The following ZNF787 variants were observed in gnomAD, a reference collection of about 807,000 sequenced individuals.
The protein encoded by ZNF787 is TTF-I-interacting peptide 20.
A neutral mutation model predicts 16.9 loss-of-function variants in ZNF787; 7 were observed. That is an observed-to-expected ratio of 0.42 (90% CI 0.24 to 0.78). ZNF787 has a LOEUF of 0.78. Ranked by LOEUF, ZNF787 falls within the 30% of genes least tolerant of loss-of-function variation. ZNF787 has a pLI of 0.30. For synonymous variants in ZNF787, 345 were observed against 270.9 expected (o/e 1.27, Z -2.69); for missense variants, 551 against 589.3 (o/e 0.94, Z 0.67).
chr19:56,093,727 T>G (rs1985752672), intron 2 of ZNF787, among the ~76,000 whole-genome samples: 1 of 152,220 alleles, frequency 6.6e-6, no homozygotes, highest in African/African-American at 2.4e-5. Flanking sequence ...TAATGCCATT[T>G]TCTCCTGGCA....
At chr19:56,111,996 C>G (rs753983394) in intron 1 of ZNF787, among the ~76,000 whole-genome samples, 2 of 152,202 alleles carry the variant, frequency 1.3e-5, no homozygotes, top group Non-Finnish European at 1.5e-5. Context: ...CAGTTCTCTT[C>G]TTCTCCCGTC....
chr19:56,111,066 T>G (rs1392092598), intron 1 of ZNF787, among the ~76,000 whole-genome samples: 1 of 152,244 alleles, frequency 6.6e-6, no homozygotes, highest in Non-Finnish European at 1.5e-5. Flanking sequence ...TATACCTACA[T>G]GAAAAGTAGC....
intron 1 of ZNF787, among the ~76,000 whole-genome samples, chr19:56,117,930 G>T (rs2030185247): frequency 6.6e-6 from 1 of 152,236 alleles, no homozygotes; most frequent in South Asian, 2.1e-4. Context: ...GGGCCAGATG[G>T]GACCCCCATT....
intron 1 of ZNF787, among the ~76,000 whole-genome samples, chr19:56,120,646 G>A (rs1023809339): frequency 2.0e-5 from 3 of 151,720 alleles, no homozygotes; most frequent in Admixed American, 6.5e-5. Context: ...GGGCTGGGGG[G>A]GCCGAGGGCT....
chr19:56,107,875 G>C (rs564191390), intron 1 of ZNF787, among the ~76,000 whole-genome samples: 1 of 149,250 alleles, frequency 6.7e-6, no homozygotes, highest in African/African-American at 2.6e-5. Flanking sequence ...GGGGGCTGCG[G>C]AAGAGAGAGC....
intron 2 of ZNF787, among the ~76,000 whole-genome samples, chr19:56,094,382 C>T (rs1216604135): frequency 2.0e-5 from 3 of 151,422 alleles, no homozygotes; most frequent in Non-Finnish European, 2.9e-5. Flanking sequence ...CCATGTTGGC[C>T]AGGCTGGTCT....
chr19:56,096,364 A>T (rs1454457803), intron 2 of ZNF787, among the ~76,000 whole-genome samples: 1 of 152,002 alleles, frequency 6.6e-6, no homozygotes, highest in Non-Finnish European at 1.5e-5. Flanking sequence ...GGCTGCAGTG[A>T]GCAGAGATGG....
At chr19:56,097,937 G>A (rs541105668) in intron 2 of ZNF787, among the ~76,000 whole-genome samples, 1 of 152,138 alleles carries the variant, frequency 6.6e-6, no homozygotes, top group South Asian at 2.1e-4. Flanking sequence ...GCTTGGGGGA[G>A]AAGAGGCATG....
At chr19:56,091,648 G>T (rs1362215481) in intron 2 of ZNF787, among the ~76,000 whole-genome samples, 1 of 152,224 alleles carries the variant, frequency 6.6e-6, no homozygotes, top group Non-Finnish European at 1.5e-5. Context: ...GGCCGTAGGC[G>T]ATCTGGCTTC....
Position 56,101,439 on chromosome 19 carries a change from G to A in ZNF787, c.79+1700C>T, listed in dbSNP as rs570717373. Reference sequence around the variant, plus strand: ...CAGGGCCAGGGCTGGGCAGGGCAGCGGGCTGGACAAGGGGACCTGACACCT... The same window carrying A: ...CAGGGCCAGGGCTGGGCAGGGCAGCAGGCTGGACAAGGGGACCTGACACCT... On this transcript the variant is annotated intron_variant, in intron 2 of 2. Coordinates refer to ENST00000610935, the MANE Select transcript of ZNF787 (RefSeq NM_001002836.4). 2.2e-4 allele frequency among the ~76,000 whole-genome samples: 33 copies of A among 152,362 alleles called. No homozygotes were observed. In the East Asian group the frequency reaches 6.2e-3, roughly 29 times the overall value.
chr19:56,091,923 CGAA>C (rs1414974314), intron 2 of ZNF787, among the ~76,000 whole-genome samples: 28 of 99,888 alleles, frequency 2.8e-4, no homozygotes, highest in African/African-American at 1.8e-3. Context: ...CAGCCGCAGC[CGAA>C]GCCGAAGCCG....
At chr19:56,116,137 C>T (rs370675057) in intron 1 of ZNF787, among the ~76,000 whole-genome samples, 2 of 151,896 alleles carry the variant, frequency 1.3e-5, no homozygotes, top group Non-Finnish European at 2.9e-5. Flanking sequence ...CCTAAAACTG[C>T]TCTAAAAAAA....
Position 56,087,926 on chromosome 19 carries a change from C to A in ZNF787, c.*97G>T. ...GCCGGGGATGCCGCGGGGTCCATCG[C>A]ACCCCGTCCGCTTCTCCCTGGGTCT... is the stretch of plus-strand genomic sequence containing the variant. On this transcript the variant is annotated 3_prime_UTR_variant, in exon 3 of 3. Transcript: ENST00000610935. 1 of 1,286,600 alleles carries A rather than the reference C, an allele frequency of 7.8e-7. No individual in the cohort carries two copies. The highest frequency in any genetic ancestry group is 2.1e-5 in the South Asian group (1 of 47,380). The allele number at this position is 1,286,600 out of a possible 1,614,324, so 79.7% of individuals were successfully genotyped here.
At chr19:56,115,354 CT>C (rs543989293) in intron 1 of ZNF787, among the ~76,000 whole-genome samples, 3,008 of 113,150 alleles carry the variant, frequency 0.027, 50 homozygotes, top group African/African-American at 0.085. Context: ...GATTTCGCTG[CT>C]TTTTTTTTTT....
In ZNF787 at chr19:56,114,014, G is replaced by A. The variant is rs994648258; in HGVS notation, c.-11+7158C>T. Among the ~76,000 whole-genome samples the A allele has an allele frequency of 3.9e-5, 6 of 152,080 alleles. No homozygotes were observed. In the South Asian group the frequency reaches 6.2e-4, roughly 16 times the overall value. On this transcript the variant is annotated intron_variant, in intron 1 of 2. Transcript: ENST00000610935. ...TTTAAAAGGGCAAATTGTACACTAT[G>A]GGAATCATATCATAATAAAACTGTT...
At chr19:56,119,408 G>C (rs751147709) in intron 1 of ZNF787, among the ~76,000 whole-genome samples, 3 of 152,238 alleles carry the variant, frequency 2.0e-5, no homozygotes, top group Non-Finnish European at 4.4e-5. Flanking sequence ...ACAGTGCCAA[G>C]GCCAAGGCCC....
chr19:56,088,797 C>G lies in ZNF787; in HGVS notation c.375G>C (p.Leu125Phe), dbSNP rs1985454225. Residue 125 changes from leucine (L) to phenylalanine (F), a missense_variant, in exon 3 of 3, where the codon TTG (leucine) becomes TTC (phenylalanine). Leu to Phe is a conservative substitution (Grantham distance 22). This residue lies in a region of ZNF787 where 39 missense variants were observed against 109.9 expected (regional missense o/e 0.35). Coordinates refer to ENST00000610935, the MANE Select transcript of ZNF787 (RefSeq NM_001002836.4). This position sits in a 1 kb window ranked among gnomAD's most constrained non-coding sequence, Gnocchi z 8.6. ...IHTGEKPYAC[L>F]ECGKRFSWSS... The stretch of plus-strand genomic sequence containing the variant: ...TCCAGCTGAAGCGCTTGCCGCACTC[C>G]AAGCAGGCGTAGGGCTTCTCGCCCG... The G allele has an allele frequency of 1.2e-6, 2 of 1,610,868 alleles. No homozygotes were observed. The highest frequency in any genetic ancestry group is 1.7e-6 in the Non-Finnish European group (2 of 1,178,870).
intron 1 of ZNF787, among the ~76,000 whole-genome samples, chr19:56,117,916 AG>A (rs2030184721): frequency 1.3e-5 from 2 of 152,200 alleles, no homozygotes; most frequent in African/African-American, 4.8e-5. Flanking sequence ...GCCTCGAAAC[AG>A]GGGGGCCAGA....
chr19:56,101,487 G>C (rs893928218), intron 2 of ZNF787, among the ~76,000 whole-genome samples: 2 of 152,232 alleles, frequency 1.3e-5, no homozygotes, highest in Non-Finnish European at 2.9e-5. Flanking sequence ...GAGAGTGAGT[G>C]TATGAGTGAC....
Sources: gnomAD v4.1 joint callset for allele counts (sites outside exome capture counted in the v4.1 genomes callset) on GRCh38, gnomAD v4.1.1 for gene constraint, gnomAD v4.1.1 regional missense constraint, Gnocchi (gnomAD v3.1) non-coding constraint, MANE v1.5 for transcripts, NCBI Gene and HGNC (gene_info 2026-07-23, HGNC 2026-07-21) for gene names.